The following MLLT10 variants were observed in gnomAD, a reference collection of about 807,000 sequenced individuals.
MLLT10 encodes the protein protein AF-10.
A neutral mutation model predicts 129.1 loss-of-function variants in MLLT10; 30 were observed. The ratio of observed to expected loss-of-function variants is 0.23; its 90% CI spans 0.17 to 0.32. MLLT10 has a LOEUF of 0.32. Ranked by LOEUF, MLLT10 falls within the 10% of genes least tolerant of loss-of-function variation. MLLT10 has a pLI of 1.00. For synonymous variants in MLLT10, 490 were observed against 446.4 expected, an observed-to-expected ratio of 1.10 and a Z score of -1.23; for missense variants, 1,119 against 1,268.3, an observed-to-expected ratio of 0.88 and a Z score of 1.79.
chr10:21,539,205 A>G (rs1319343634), intron 3 of MLLT10, among the ~76,000 whole-genome samples: 1 of 152,206 alleles, frequency 6.6e-6, no homozygotes, highest in Admixed American at 6.5e-5. Context: ...TGAAGGTTAC[A>G]CTGGCTAATC....
At chr10:21,558,945 TTTG>T (rs1464620290) in intron 3 of MLLT10, among the ~76,000 whole-genome samples, 1 of 152,218 alleles carries the variant, frequency 6.6e-6, no homozygotes, top group African/African-American at 2.4e-5. Flanking sequence ...GTGTTCCTTT[TTTG>T]TTGTTGTTTT....
intron 3 of MLLT10, among the ~76,000 whole-genome samples, chr10:21,563,919 TCTCCTGCCTCAGC>T (rs2039188344): frequency 6.6e-6 from 1 of 151,776 alleles, no homozygotes. Flanking sequence ...TTCACACCAT[TCTCCTGCCTCAGC>T]CTCCCGAGTA....
At chr10:21,738,413 G>A in intron 21 of MLLT10, 1 of 1,288,918 alleles carries the variant, frequency 7.8e-7, no homozygotes, top group Non-Finnish European at 1.0e-6. Context: ...AGCATGTGTA[G>A]CTGTCTCATT....
intron 13 of MLLT10, among the ~76,000 whole-genome samples, chr10:21,690,314 G>A (rs1364586095): frequency 2.0e-5 from 3 of 151,992 alleles, no homozygotes; most frequent in Admixed American, 6.6e-5. Context: ...GAGAATCACT[G>A]TGGAAACATT....
chr10:21,630,443 G>A (rs1160585245), intron 8 of MLLT10, among the ~76,000 whole-genome samples: 1 of 152,246 alleles, frequency 6.6e-6, no homozygotes, highest in African/African-American at 2.4e-5. Context: ...TTGGAAGACA[G>A]TTCTCCATGG....
intron 10 of MLLT10, among the ~76,000 whole-genome samples, chr10:21,673,100 A>G (rs900371256): frequency 2.0e-5 from 3 of 152,132 alleles, no homozygotes; most frequent in African/African-American, 7.2e-5. Flanking sequence ...TAATTATTTA[A>G]GTAATAGCTT....
intron 2 of MLLT10, among the ~76,000 whole-genome samples, chr10:21,536,436 A>T (rs1221948375): frequency 6.6e-6 from 1 of 152,236 alleles, no homozygotes; most frequent in East Asian, 1.9e-4. Flanking sequence ...CTATGTCCCA[A>T]TATAGAAAAT....
intron 13 of MLLT10, among the ~76,000 whole-genome samples, chr10:21,712,925 T>C (rs1360007218): frequency 6.6e-6 from 1 of 152,232 alleles, no homozygotes; most frequent in African/African-American, 2.4e-5. Flanking sequence ...TAAGCACTTT[T>C]AAAAAATTAA....
intron 8 of MLLT10, among the ~76,000 whole-genome samples, chr10:21,651,152 A>G (rs549017083): frequency 6.6e-6 from 1 of 151,352 alleles, no homozygotes; most frequent in East Asian, 1.9e-4. Flanking sequence ...GCTCACCACA[A>G]CCTCCGCCTC....
intron 21 of MLLT10, among the ~76,000 whole-genome samples, chr10:21,736,623 C>A (rs1315737755): frequency 2.0e-5 from 3 of 152,164 alleles, no homozygotes; most frequent in African/African-American, 4.8e-5. Flanking sequence ...GTTTGCTGGA[C>A]ATACAAGAGA....
chr10:21,553,638 T>TCTTTTC (rs1437351414), intron 3 of MLLT10, among the ~76,000 whole-genome samples: 1 of 151,466 alleles, frequency 6.6e-6, no homozygotes, highest in Non-Finnish European at 1.5e-5. Context: ...AATTCTGATT[T>TCTTTTC]CTTTTCCTTT....
chr10:21,634,218 G>A (rs1301892125), intron 8 of MLLT10, among the ~76,000 whole-genome samples: 18 of 152,136 alleles, frequency 1.2e-4, no homozygotes, highest in Admixed American at 7.9e-4. Context: ...GTGACACAGC[G>A]AGACTCAGTC....
intron 8 of MLLT10, among the ~76,000 whole-genome samples, chr10:21,627,848 G>A (rs1220671632): frequency 6.6e-6 from 1 of 152,052 alleles, no homozygotes; most frequent in African/African-American, 2.4e-5. Context: ...ACTATAAACA[G>A]TAAGAAATAA....
intron 13 of MLLT10, among the ~76,000 whole-genome samples, chr10:21,695,064 T>C (rs374508506): frequency 7.8e-5 from 11 of 140,434 alleles, no homozygotes; most frequent in Non-Finnish European, 1.1e-4. Context: ...CTACCTTCTT[T>C]TTTTTTTTTT....
chr10:21,710,183 T>A (rs541016109), intron 13 of MLLT10, among the ~76,000 whole-genome samples: 5 of 152,232 alleles, frequency 3.3e-5, no homozygotes, highest in African/African-American at 1.2e-4. Flanking sequence ...CTTCTCTTGA[T>A]CATGCTGAGA....
intron 9 of MLLT10, among the ~76,000 whole-genome samples, chr10:21,665,128 T>C (rs1383460857): frequency 4.6e-5 from 7 of 151,820 alleles, no homozygotes; most frequent in Admixed American, 6.6e-5. Context: ...GTATTCTTAG[T>C]AGAGACGGGG....
At chr10:21,699,799 G>A (rs2054729332) in intron 13 of MLLT10, among the ~76,000 whole-genome samples, 1 of 152,050 alleles carries the variant, frequency 6.6e-6, no homozygotes, top group African/African-American at 2.4e-5. Context: ...ATATTTTGAA[G>A]TGACGTAGCA....
chr10:21,624,516 A>C, intron 8 of MLLT10: 1 of 932,124 alleles, frequency 1.1e-6, no homozygotes, highest in Non-Finnish European at 1.5e-6. Context: ...ACAGTTAAAC[A>C]AAATTTTTTT....
At chr10:21,683,551 G>C (rs2052964680) in intron 13 of MLLT10, among the ~76,000 whole-genome samples, 1 of 152,136 alleles carries the variant, frequency 6.6e-6, no homozygotes. Context: ...TAGACATCAT[G>C]GGAGCAATGT....
Sources: gnomAD v4.1 joint callset for allele counts (sites outside exome capture counted in the v4.1 genomes callset) on GRCh38, gnomAD v4.1.1 for gene constraint, MANE v1.5 for transcripts, NCBI Gene and HGNC (gene_info 2026-07-23, HGNC 2026-07-21) for gene names.